DLG3: variants seen among roughly 807,000 people sequenced by gnomAD.
DLG3 encodes the protein disks large homolog 3.
In DLG3, 1 loss-of-function variant was observed where a neutral mutation model predicts 64.1. The observed-to-expected ratio is 0.02, with a 90% CI of 0.01 to 0.07. DLG3 has a LOEUF of 0.07. Ranked by LOEUF, DLG3 falls within the 10% of genes least tolerant of loss-of-function variation. DLG3 has a pLI of 1.00. For synonymous variants in DLG3, 245 were observed against 259.8 expected (o/e 0.94, Z 0.55); for missense variants, 429 against 669.5 (o/e 0.64, Z 3.96).
chrX:70,474,364 C>T (rs986910984), intron 9 of DLG3, among the ~76,000 whole-genome samples: 1 of 110,908 alleles, frequency 9.0e-6, no homozygotes, highest in Non-Finnish European at 1.9e-5. Context: ...AATTAAGACA[C>T]GAAATCAACA....
chrX:70,452,261 G>T, intron 7 of DLG3: 1 of 1,067,411 alleles, frequency 9.4e-7, no homozygotes, highest in Non-Finnish European at 1.2e-6. Flanking sequence ...GAGTGGCCCC[G>T]GTCCAAAAGT....
Position 70,479,239 on chromosome X carries a change from A to C in DLG3, c.1495A>C (p.Ser499Arg), listed in dbSNP as rs2147842286. ...MSSGSGSLRTSEKRSLYVRAL... is the reference protein window; with the variant it reads ...MSSGSGSLRTREKRSLYVRAL... Reference sequence around the variant, plus strand: ...CTCTGGGTCTGGGTCCCTCCGAACAAGTGAAAAGAGGTCCTTGTATGTCAG... The same window carrying C: ...CTCTGGGTCTGGGTCCCTCCGAACACGTGAAAAGAGGTCCTTGTATGTCAG... Residue 499 changes from serine (S) to arginine (R), a missense_variant, in exon 10 of 19, where the codon AGT becomes CGT. By Grantham distance (110) the Ser-to-Arg change is moderately radical. Around this residue, in one of 9 missense-constraint regions of DLG3, gnomAD observed 25 missense variants for 83.7 expected, o/e 0.30. Coordinates refer to ENST00000374360, the MANE Select transcript of DLG3 (RefSeq NM_021120.4). 1 of 1,208,066 alleles carries C rather than the reference A, an allele frequency of 8.3e-7. No homozygotes were observed. Among genetic ancestry groups the C allele is most frequent in the South Asian group, 1.8e-5 (1 of 56,758 alleles).
chrX:70,481,621 AGCGTGC>A (rs2087157194), intron 10 of DLG3, among the ~76,000 whole-genome samples: 2 of 112,098 alleles, frequency 1.8e-5, no homozygotes, highest in Non-Finnish European at 3.8e-5. Context: ...CCCGAAAGGA[AGCGTGC>A]ATCTGCTTTT....
chrX:70,449,030 C>T (rs927801320), intron 2 of DLG3, 67 bp downstream of exon 2: 16 of 1,135,829 alleles, frequency 1.4e-5, no homozygotes, highest in Non-Finnish European at 1.9e-5. Context: ...AGGGAGACCC[C>T]TGAATCATGG....
At chrX:70,459,026 G>A (rs2086759903) in intron 9 of DLG3, among the ~76,000 whole-genome samples, 1 of 112,232 alleles carries the variant, frequency 8.9e-6, no homozygotes, top group South Asian at 3.7e-4. Flanking sequence ...AGAACATTTT[G>A]AGATCTCCTA....
chrX:70,492,335 T>C, intron 11 of DLG3, 52 bp downstream of exon 11: 1 of 1,196,172 alleles, frequency 8.4e-7, no homozygotes, highest in Non-Finnish European at 1.1e-6. Flanking sequence ...TGCTGGTATT[T>C]CTTTCTTGTT....
chrX:70,479,103 T>C (rs752973980), intron 9 of DLG3, 47 bp from the exon 10 acceptor site: 1 of 1,123,508 alleles, frequency 8.9e-7, no homozygotes, highest in Non-Finnish European at 1.2e-6. Flanking sequence ...TCAGAGGCGC[T>C]CCTTGAGTTC....
intron 10 of DLG3, among the ~76,000 whole-genome samples, chrX:70,489,094 T>A (rs1375931001): frequency 3.6e-5 from 4 of 111,699 alleles, no homozygotes; most frequent in Non-Finnish European, 7.5e-5. Flanking sequence ...TTGATATATC[T>A]GCTTCCCCAC....
At chrX:70,449,890 C>T in intron 4 of DLG3, 31 bp downstream of exon 4, 2 of 1,166,659 alleles carry the variant, frequency 1.7e-6, no homozygotes, top group Non-Finnish European at 2.3e-6. Context: ...GTGCTCCAGC[C>T]AGAGCCTTAG....
At chrX:70,452,627 G>A (rs1355381393) in intron 7 of DLG3, 2 of 1,187,508 alleles carry the variant, frequency 1.7e-6, no homozygotes, top group Admixed American at 2.3e-5. Context: ...GAGCTATGGA[G>A]AGGGCCCGCA....
At chrX:70,491,437 A>G (rs1052264390) in intron 10 of DLG3, among the ~76,000 whole-genome samples, 1 of 112,676 alleles carries the variant, frequency 8.9e-6, no homozygotes, top group Non-Finnish European at 1.9e-5. Flanking sequence ...TGCATCATTT[A>G]TAGCATGTCA....
At chrX:70,466,452 T>C (rs779541290) in intron 9 of DLG3, among the ~76,000 whole-genome samples, 65 of 108,880 alleles carry the variant, frequency 6.0e-4, no homozygotes, top group African/African-American at 2.1e-3. Context: ...TTTTTTTTTT[T>C]TTTTGTGATT....
In DLG3 at chrX:70,502,761, A is replaced by C. The variant is rs1283006201; in HGVS notation, c.*492A>C. ...TGGCGACAGAAAGTATCTTATTTATATATAGATATATATATGTAATTTATA... is the reference window on the plus strand; with the variant it reads ...TGGCGACAGAAAGTATCTTATTTATCTATAGATATATATATGTAATTTATA... On this transcript the variant is annotated 3_prime_UTR_variant, in exon 19 of 19. Transcript: ENST00000374360. The C allele has an allele frequency of 9.3e-6, 1 of 107,478 alleles. No homozygotes were observed. Among genetic ancestry groups the C allele is most frequent in the African/African-American group, 3.4e-5 (1 of 29,813 alleles). 8.9% of individuals were successfully genotyped at this position (107,478 alleles called of 1,213,427 possible).
intron 18 of DLG3, 27 bp downstream of exon 18, chrX:70,501,016 G>A (rs376649144): frequency 3.5e-5 from 38 of 1,086,229 alleles, no homozygotes; most frequent in Non-Finnish European, 4.3e-5. Context: ...CCTGCGGGGG[G>A]TTCTGGGGAA....
chrX:70,455,013 G>C, intron 9 of DLG3: 9 of 753,724 alleles, frequency 1.2e-5, no homozygotes, highest in Non-Finnish European at 1.4e-5. Flanking sequence ...CAGTGGAGTG[G>C]CCATTGGCCG....
intron 9 of DLG3, among the ~76,000 whole-genome samples, chrX:70,474,895 G>A (rs1255032442): frequency 8.9e-6 from 1 of 112,271 alleles, no homozygotes; most frequent in Non-Finnish European, 1.9e-5. Flanking sequence ...TGGAAGAGTG[G>A]AATAGTAGTT....
intron 1 of DLG3, 145 bp downstream of exon 1, chrX:70,445,703 C>A (rs989938816): frequency 1.1e-5 from 6 of 554,736 alleles, no homozygotes; most frequent in Non-Finnish European, 1.8e-5. Context: ...CAAAGAGAGG[C>A]GGTGGGAAAT....
At chrX:70,475,652 C>T (rs1378507446) in intron 9 of DLG3, among the ~76,000 whole-genome samples, 2 of 111,872 alleles carry the variant, frequency 1.8e-5, no homozygotes, top group Non-Finnish European at 1.9e-5. Flanking sequence ...AAAAAGCTTG[C>T]GTGTGAATTG....
Position 70,500,882 on chromosome X carries a change from C to T in DLG3, c.2256-16C>T, listed in dbSNP as rs1360758224. ...TAAGATCTGGTTCAGAACTATTTTT[C>T]TTCTGTCTTTGGCAGGGAAATGAAC... On this transcript the variant is annotated splice_polypyrimidine_tract_variant and intron_variant, in intron 17 of 18. Coordinates refer to ENST00000374360, the MANE Select transcript of DLG3 (RefSeq NM_021120.4). The T allele has an allele frequency of 6.0e-6, 7 of 1,166,081 alleles. No individual in the cohort carries two copies. The highest frequency in any genetic ancestry group is 8.1e-6 in the Non-Finnish European group (7 of 863,388).
Sources: gnomAD v4.1 joint callset for allele counts (sites outside exome capture counted in the v4.1 genomes callset) on GRCh38, gnomAD v4.1.1 for gene constraint, gnomAD v4.1.1 regional missense constraint, MANE v1.5 for transcripts, NCBI Gene and HGNC (gene_info 2026-07-23, HGNC 2026-07-21) for gene names.